The following GPHN variants were observed in gnomAD, a reference collection of about 807,000 sequenced individuals.
GPHN encodes gephyrin.
A neutral mutation model predicts 95.5 loss-of-function variants in GPHN; 17 were observed. The observed-to-expected ratio is 0.18, with a 90% confidence interval of 0.12 to 0.27. The LOEUF is 0.27. Among genes scored for constraint, GPHN ranks in the 10% least tolerant of loss-of-function variants. The pLI, the probability that GPHN is intolerant of heterozygous loss-of-function variation, is 1.00. For missense variants in GPHN, 660 were observed against 978.1 expected (o/e 0.67, Z 4.34); for synonymous variants, 320 against 322.5 (o/e 0.99, Z 0.08).
chr14:67,283,313 A>G, the GPHN span, among the ~76,000 whole-genome samples: 1 of 152,214 alleles, frequency 6.6e-6, no homozygotes, highest in Non-Finnish European at 1.5e-5. Context: ...TCAAAAGATT[A>G]TTGACATTTT....
chr14:66,615,902 G>A (rs945839518), intron 1 of GPHN, among the ~76,000 whole-genome samples: 4 of 151,946 alleles, frequency 2.6e-5, no homozygotes, highest in African/African-American at 9.7e-5. Context: ...TTTGTGTAAG[G>A]TGTAAGGAAG....
intron 11 of GPHN, among the ~76,000 whole-genome samples, chr14:67,063,886 A>C (rs113637432): frequency 0.027 from 4,161 of 152,304 alleles, 74 homozygotes; most frequent in Non-Finnish European, 0.036. Context: ...AACAGAGACA[A>C]TTTGACTTCC....
the GPHN span, chr14:67,587,704 T>C: frequency 1.9e-4 from 32 of 166,450 alleles, 1 homozygote; most frequent in Non-Finnish European, 2.5e-4. Context: ...TGCGCCACCA[T>C]GCCCGGCTAA....
At chr14:67,524,764 C>A in the GPHN span, among the ~76,000 whole-genome samples, 1 of 152,160 alleles carries the variant, frequency 6.6e-6, no homozygotes, top group Non-Finnish European at 1.5e-5. Flanking sequence ...CTGTTGTGGT[C>A]ACAGTGTAAT....
At chr14:67,090,021 A>G (rs1015461809) in intron 12 of GPHN, among the ~76,000 whole-genome samples, 1 of 152,172 alleles carries the variant, frequency 6.6e-6, no homozygotes, top group Non-Finnish European at 1.5e-5. Context: ...ATTACCTCAC[A>G]TACTTATCAT....
the GPHN span, among the ~76,000 whole-genome samples, chr14:67,248,981 G>A: frequency 6.9e-6 from 1 of 144,784 alleles, no homozygotes; most frequent in Non-Finnish European, 1.5e-5. Flanking sequence ...TTTTTTTTTT[G>A]AGACCAAGTC....
the GPHN span, chr14:67,384,724 TAGC>T: frequency 9.9e-5 from 15 of 152,210 alleles, no homozygotes; most frequent in African/African-American, 3.6e-4. Flanking sequence ...TTGTTAAATT[TAGC>T]AGCCTGTACT....
At chr14:67,569,811 G>C in the GPHN span, 3 of 729,452 alleles carry the variant, frequency 4.1e-6, no homozygotes, top group South Asian at 4.7e-5. Context: ...CTTGAGATCT[G>C]TCACTGGCCT....
intron 2 of GPHN, among the ~76,000 whole-genome samples, chr14:66,752,668 A>T (rs544481596): frequency 1.3e-5 from 2 of 152,236 alleles, no homozygotes; most frequent in African/African-American, 4.8e-5. Flanking sequence ...TTAATGAAAA[A>T]GTTTTAAATA....
chr14:67,572,427 T>C, the GPHN span: 7 of 645,846 alleles, frequency 1.1e-5, no homozygotes, highest in Non-Finnish European at 1.6e-5. Flanking sequence ...TGGGGGGGTG[T>C]ACAGTTATGG....
At chr14:66,929,954 G>A (rs901876376) in intron 8 of GPHN, among the ~76,000 whole-genome samples, 6 of 151,934 alleles carry the variant, frequency 3.9e-5, no homozygotes, top group South Asian at 2.1e-4. Context: ...CACATGATCC[G>A]CCCGCCTCGG....
intron 1 of GPHN, among the ~76,000 whole-genome samples, chr14:66,531,874 T>C (rs908472439): frequency 6.6e-6 from 1 of 152,214 alleles, no homozygotes; most frequent in African/African-American, 2.4e-5. Context: ...AGTAAAAGAC[T>C]AGATAGTGAA....
intron 1 of GPHN, among the ~76,000 whole-genome samples, chr14:66,615,117 G>A (rs900246995): frequency 1.3e-5 from 2 of 151,986 alleles, no homozygotes; most frequent in African/African-American, 2.4e-5. Context: ...GTCTATCATT[G>A]GCATTTGGGT....
chr14:66,961,928 A>G (rs2068955571), intron 8 of GPHN, among the ~76,000 whole-genome samples: 1 of 81,148 alleles, frequency 1.2e-5, no homozygotes, highest in Admixed American at 1.5e-4. Context: ...ATATATATAT[A>G]TATATATATA....
intron 6 of GPHN, among the ~76,000 whole-genome samples, chr14:66,919,775 A>C (rs2066108879): frequency 6.6e-6 from 1 of 152,168 alleles, no homozygotes. Flanking sequence ...ATTAAAGATT[A>C]AGTAGATTTG....
chr14:66,560,200 T>C (rs1012193089), intron 1 of GPHN, among the ~76,000 whole-genome samples: 3 of 152,142 alleles, frequency 2.0e-5, no homozygotes, highest in Non-Finnish European at 4.4e-5. Flanking sequence ...TTCTTTTGGC[T>C]TAGGATTGAC....
intron 9 of GPHN, among the ~76,000 whole-genome samples, chr14:66,997,131 C>G (rs1245458441): frequency 2.0e-5 from 3 of 151,778 alleles, no homozygotes; most frequent in Non-Finnish European, 4.4e-5. Flanking sequence ...TTTGTGAGGC[C>G]GAGATGGGTG....
chr14:66,659,181 C>T (rs927570739), intron 1 of GPHN, among the ~76,000 whole-genome samples: 2 of 150,460 alleles, frequency 1.3e-5, no homozygotes, highest in Non-Finnish European at 3.0e-5. Flanking sequence ...TGTTTGTGTG[C>T]ACGCGTTTAA....
chr14:67,541,045 A>C, the GPHN span, among the ~76,000 whole-genome samples: 1 of 152,178 alleles, frequency 6.6e-6, no homozygotes, highest in South Asian at 2.1e-4. Flanking sequence ...AATATCTAGC[A>C]GTTTTCTGGT....
Sources: gnomAD v4.1 joint callset for allele counts (sites outside exome capture counted in the v4.1 genomes callset) on GRCh38, gnomAD v4.1.1 for gene constraint, MANE v1.5 for transcripts, NCBI Gene and HGNC (gene_info 2026-07-23, HGNC 2026-07-21) for gene names.